Variants in LANCL1 observed in about 807,000 individuals in gnomAD.
LANCL1 encodes the protein glutathione S-transferase LANCL1.
LANCL1 carries 50 observed loss-of-function variants against 50.6 expected under a neutral mutation model. That is an observed-to-expected ratio of 0.99 (90% confidence interval 0.79 to 1.25). The LOEUF (loss-of-function observed/expected upper bound fraction) is 1.25. LANCL1 is among the 50% of genes most tolerant of loss of function. LANCL1 has a pLI of 0.00. For missense variants in LANCL1, 532 were observed against 480.7 expected (o/e 1.11, Z -1.00); for synonymous variants, 188 against 178.6 (o/e 1.05, Z -0.42).
At chr2:210,436,808 C>T (rs982053226) in intron 7 of LANCL1, among the ~76,000 whole-genome samples, 1 of 152,140 alleles carries the variant, frequency 6.6e-6, no homozygotes, top group Non-Finnish European at 1.5e-5. Context: ...AATATGCAGT[C>T]AGAAAAATAG....
chr2:210,447,400 C>T (rs1399503486), intron 4 of LANCL1, among the ~76,000 whole-genome samples: 1 of 152,210 alleles, frequency 6.6e-6, no homozygotes, highest in African/African-American at 2.4e-5. Flanking sequence ...ACTGCAAAAA[C>T]ATACCAAATT....
At chr2:210,468,578 A>G (rs530408475) in intron 3 of LANCL1, 5 of 152,330 alleles carry the variant, frequency 3.3e-5, no homozygotes, top group South Asian at 2.1e-4. Context: ...GTTCTGGCCA[A>G]TGCAAAGTAA....
chr2:210,477,537 C>T (rs564316669), upstream of LANCL1: 51 of 1,311,122 alleles, frequency 3.9e-5, 1 homozygote, highest in South Asian at 9.4e-4. Context: ...TCCTTCTCTC[C>T]GGTTTCAATG....
At chr2:210,467,206 T>C (rs985335900) in intron 3 of LANCL1, among the ~76,000 whole-genome samples, 7 of 152,252 alleles carry the variant, frequency 4.6e-5, no homozygotes, top group African/African-American at 1.7e-4. Flanking sequence ...GTATATGGTA[T>C]GGGCACTGAC....
At chr2:210,453,628 A>G (rs1392203599) in intron 4 of LANCL1, among the ~76,000 whole-genome samples, 1 of 152,174 alleles carries the variant, frequency 6.6e-6, no homozygotes, top group Non-Finnish European at 1.5e-5. Context: ...TGGGAGCACT[A>G]CAATTTATCT....
At chr2:210,452,484 A>G (rs1486779499) in intron 4 of LANCL1, among the ~76,000 whole-genome samples, 2 of 152,118 alleles carry the variant, frequency 1.3e-5, no homozygotes, top group East Asian at 3.9e-4. Flanking sequence ...AATGCAATGT[A>G]TTGTCCTCCC....
chr2:210,476,302 T>A lies in LANCL1; in HGVS notation c.81+14A>T. The A allele has an allele frequency of 6.3e-7, 1 of 1,596,272 alleles. No homozygotes were observed. The highest frequency in any genetic ancestry group is 1.1e-5 in the South Asian group (1 of 90,660). On this transcript the variant is annotated intron_variant, in intron 2 of 9. Coordinates refer to ENST00000450366, the MANE Select transcript of LANCL1 (RefSeq NM_006055.3). Reference sequence around the variant, plus strand: ...GGAGAGGCAGGGATGCAGGCAGACATATCCTAAACTCACCCTCCCGGCAGC... The same window carrying A: ...GGAGAGGCAGGGATGCAGGCAGACAAATCCTAAACTCACCCTCCCGGCAGC...
intron 2 of LANCL1, among the ~76,000 whole-genome samples, chr2:210,473,825 C>G (rs1694286763): frequency 6.6e-6 from 1 of 152,158 alleles, no homozygotes. Flanking sequence ...CATTATTTAA[C>G]AATTTCTGCA....
At chr2:210,464,184 T>A (rs1357822552) in intron 3 of LANCL1, among the ~76,000 whole-genome samples, 1 of 152,208 alleles carries the variant, frequency 6.6e-6, no homozygotes, top group Non-Finnish European at 1.5e-5. Context: ...AATCCTAATC[T>A]TATCTGAACT....
intron 4 of LANCL1, among the ~76,000 whole-genome samples, chr2:210,452,983 A>G (rs1189947829): frequency 6.6e-6 from 1 of 152,166 alleles, no homozygotes; most frequent in African/African-American, 2.4e-5. Flanking sequence ...CTTGAAATTA[A>G]GTCAAATTTC....
chr2:210,435,143 G>T (rs1272599819), intron 9 of LANCL1, among the ~76,000 whole-genome samples: 1 of 152,078 alleles, frequency 6.6e-6, no homozygotes, highest in Non-Finnish European at 1.5e-5. Context: ...ATTTATGAGG[G>T]CGTCTGCAAA....
chr2:210,438,203 T>C (rs1471416912), intron 6 of LANCL1, among the ~76,000 whole-genome samples: 1 of 151,186 alleles, frequency 6.6e-6, no homozygotes, highest in African/African-American at 2.4e-5. Context: ...GGTGCGATCT[T>C]GGCTCCCTGC....
intron 8 of LANCL1, 72 bp downstream of exon 8, chr2:210,436,144 G>A: frequency 7.3e-7 from 1 of 1,364,826 alleles, no homozygotes; most frequent in Non-Finnish European, 1.0e-6. Flanking sequence ...GCCTGCCTCA[G>A]CCTCCCAAAG....
chr2:210,474,310 C>T (rs1488770943), intron 2 of LANCL1, among the ~76,000 whole-genome samples: 1 of 152,188 alleles, frequency 6.6e-6, no homozygotes, highest in African/African-American at 2.4e-5. Flanking sequence ...AATTTTAGAA[C>T]TGGTATGCTA....
rs919873610 is a variant in LANCL1 at position 210,433,953 on chromosome 2, T to C, written c.*534A>G. The C allele has an allele frequency of 5.9e-5, 9 of 152,176 alleles. No homozygotes were observed. Among genetic ancestry groups the C allele is most frequent in the African/African-American group, 1.7e-4 (7 of 41,448 alleles). The allele number at this position is 152,176 out of a possible 1,614,324, so 9.4% of individuals were successfully genotyped here. The stretch of plus-strand genomic sequence containing the variant: ...ATGATATTTAGGTACCAAGTCCAGA[T>C]TGTAACTCTTGGAATTTTTCTCCTG... On this transcript the variant is annotated 3_prime_UTR_variant, in exon 10 of 10. Transcript: ENST00000450366.
intron 3 of LANCL1, chr2:210,469,324 G>A (rs144837021): frequency 5.9e-5 from 9 of 152,278 alleles, no homozygotes; most frequent in African/African-American, 1.9e-4. Flanking sequence ...ATCAGTTTTA[G>A]TTTCTTATAC....
intron 4 of LANCL1, among the ~76,000 whole-genome samples, chr2:210,451,041 G>C (rs910182414): frequency 6.6e-6 from 1 of 152,134 alleles, no homozygotes; most frequent in Non-Finnish European, 1.5e-5. Flanking sequence ...TATGTTTATT[G>C]CAACACTGTT....
chr2:210,435,724 A>G (rs933568037), intron 8 of LANCL1, among the ~76,000 whole-genome samples: 1 of 152,114 alleles, frequency 6.6e-6, no homozygotes. Context: ...TCTCCCATTA[A>G]TGCTGTTGAG....
At chr2:210,466,137 T>C (rs551674845) in intron 3 of LANCL1, among the ~76,000 whole-genome samples, 13 of 152,314 alleles carry the variant, frequency 8.5e-5, no homozygotes, top group Admixed American at 7.2e-4. Flanking sequence ...GGGAAATATC[T>C]TGCCAGTAGG....
Sources: allele counts gnomAD v4.1 joint callset (sites outside exome capture counted in the v4.1 genomes callset), GRCh38; gene constraint gnomAD v4.1.1; transcripts MANE v1.5; gene names NCBI Gene and HGNC (gene_info 2026-07-23, HGNC 2026-07-21).